CDH18: variants seen among roughly 807,000 people sequenced by gnomAD.
CDH18 encodes the protein cadherin-18.
CDH18 carries 31 observed loss-of-function variants against 67.9 expected under a neutral mutation model. The ratio of observed to expected loss-of-function variants is 0.46; its 90% CI spans 0.34 to 0.62. The LOEUF (loss-of-function observed/expected upper bound fraction) is 0.62, where lower values mean the gene tolerates loss of function less well. CDH18 is among the 20% of genes least tolerant of loss of function. The pLI is 0.01. For missense variants in CDH18, 890 were observed against 975.5 expected, an observed-to-expected ratio of 0.91 and a Z score of 1.17; for synonymous variants, 362 against 347.2, an observed-to-expected ratio of 1.04 and a Z score of -0.48.
intron 2 of CDH18, among the ~76,000 whole-genome samples, chr5:19,970,359 T>C (rs959494928): frequency 9.2e-5 from 14 of 151,748 alleles, no homozygotes; most frequent in Non-Finnish European, 1.9e-4. Context: ...ATAATAAATG[T>C]CATGCATTTC....
chr5:19,853,362 C>G (rs1783921734), intron 2 of CDH18, among the ~76,000 whole-genome samples: 1 of 152,066 alleles, frequency 6.6e-6, no homozygotes, highest in Admixed American at 6.6e-5. Context: ...TTCATTTAAC[C>G]ATAATTACTT....
chr5:20,482,406 G>T (rs560103085), intron 1 of CDH18, among the ~76,000 whole-genome samples: 1 of 151,998 alleles, frequency 6.6e-6, no homozygotes, highest in Non-Finnish European at 1.5e-5. Context: ...AAGTAGGAAA[G>T]AAGAGATTAC....
chr5:19,755,274 T>C (rs186309021), intron 3 of CDH18, among the ~76,000 whole-genome samples: 1 of 149,462 alleles, frequency 6.7e-6, no homozygotes, highest in East Asian at 2.0e-4. Context: ...GATTGACCAT[T>C]AGCAAGATTA....
rs1324763048 is a variant in CDH18 at position 19,571,895 on chromosome 5, C to T, written c.1000-63G>A. ...AAAAGTCATATTATGACTTTCATTA[C>T]TTTTCAAATATGCATTATTTTTTCC... On this transcript the variant is annotated intron_variant, in intron 7 of 12. Transcript: ENST00000382275. The T allele has an allele frequency of 5.4e-6, 7 of 1,297,420 alleles. No homozygotes were observed. In the African/African-American group the frequency reaches 1.0e-4, roughly 19 times the overall value. The allele number at this position is 1,297,420 out of a possible 1,614,324, so 80.4% of individuals were successfully genotyped here.
intron 2 of CDH18, among the ~76,000 whole-genome samples, chr5:19,894,650 AAT>A (rs377022222): frequency 6.6e-6 from 1 of 152,232 alleles, no homozygotes; most frequent in East Asian, 1.9e-4. Context: ...TTGTGAGCTG[AAT>A]AAAATTGCAT....
At chr5:20,490,693 G>C in intron 1 of CDH18, among the ~76,000 whole-genome samples, 1 of 152,120 alleles carries the variant, frequency 6.6e-6, no homozygotes, top group East Asian at 1.9e-4. Flanking sequence ...TTGAGGTCAA[G>C]TTCTGAATAC....
intron 4 of CDH18, among the ~76,000 whole-genome samples, chr5:19,744,500 G>A (rs1297575165): frequency 1.1e-5 from 1 of 94,792 alleles, no homozygotes; most frequent in African/African-American, 4.6e-5. Context: ...TATTAACTCA[G>A]TGTACACACA....
rs543356235 is a variant in CDH18, at chr5:20,282,308, G to A, written c.-579-26803C>T. ...TCTCGTGCCAGTTTTCAAAGGGAAT[G>A]CTTCCAGTTTTTGCCCATTCAGTAT... is the stretch of plus-strand genomic sequence containing the variant. On this transcript the variant is annotated intron_variant, in intron 1 of 14. Transcript: ENST00000507958. Among the ~76,000 whole-genome samples, 62 of 152,272 alleles carry A rather than the reference G, an allele frequency of 4.1e-4. 1 individual carries two copies. The South Asian group carries it at 0.013, about 31-fold the overall frequency.
chr5:20,410,259 A>C (rs924054440), intron 1 of CDH18, among the ~76,000 whole-genome samples: 2 of 151,852 alleles, frequency 1.3e-5, no homozygotes, highest in Non-Finnish European at 3.0e-5. Context: ...AAACTGAAAC[A>C]ATAGCACATT....
Position 19,958,387 on chromosome 5 carries a change from A to AAAAAAC in CDH18, c.-257+22672_-257+22673insGTTTTT, listed in dbSNP as rs1489384158. Among the ~76,000 whole-genome samples, 6 of 149,914 alleles carry AAAAAAC rather than the reference A, an allele frequency of 4.0e-5. No homozygotes were observed. In the East Asian group the frequency reaches 9.8e-4, roughly 24 times the overall value. ...GATGATCTTTCCTTCACCAAAAAAA[A>AAAAAAC]AAAAAAAAAAAAAGGAGAAGCTAAA... On this transcript the variant is annotated intron_variant, in intron 2 of 12. Coordinates refer to ENST00000382275, the MANE Select transcript of CDH18 (RefSeq NM_004934.5).
chr5:19,899,789 C>T (rs541921451), intron 2 of CDH18, among the ~76,000 whole-genome samples: 2 of 152,134 alleles, frequency 1.3e-5, no homozygotes, highest in Middle Eastern at 3.4e-3. Context: ...TATGCCACAA[C>T]GTGGGTGAAT....
At chr5:19,536,756 C>G (rs1749480753) in intron 9 of CDH18, among the ~76,000 whole-genome samples, 1 of 152,158 alleles carries the variant, frequency 6.6e-6, no homozygotes, top group Admixed American at 6.5e-5. Flanking sequence ...GTGTCTGATT[C>G]ACTAGATCTG....
chr5:20,199,565 G>T (rs1181089778), intron 2 of CDH18, among the ~76,000 whole-genome samples: 5 of 152,090 alleles, frequency 3.3e-5, no homozygotes, highest in African/African-American at 4.8e-5. Flanking sequence ...ATGAGATTTT[G>T]GACTGGGATT....
At chr5:20,556,918 T>C (rs1581196310) in intron 1 of CDH18, among the ~76,000 whole-genome samples, 3 of 152,252 alleles carry the variant, frequency 2.0e-5, no homozygotes, top group Admixed American at 2.0e-4. Flanking sequence ...GAAGGAGATA[T>C]TACCTCATAA....
At chr5:19,779,288 A>T (rs376490395) in intron 3 of CDH18, among the ~76,000 whole-genome samples, 4 of 152,298 alleles carry the variant, frequency 2.6e-5, no homozygotes, top group East Asian at 1.9e-4. Flanking sequence ...ATAATGTCCC[A>T]GATTAACTAT....
intron 5 of CDH18, among the ~76,000 whole-genome samples, chr5:19,653,592 G>T (rs528602334): frequency 5.3e-5 from 8 of 152,242 alleles, no homozygotes; most frequent in East Asian, 1.9e-4. Flanking sequence ...TTACATCAAA[G>T]AAATCTGGCA....
At chr5:20,113,861 G>A (rs986552030) in intron 2 of CDH18, among the ~76,000 whole-genome samples, 1 of 152,108 alleles carries the variant, frequency 6.6e-6, no homozygotes, top group African/African-American at 2.4e-5. Context: ...GCTGGAGGAT[G>A]AGCTTTATGA....
At chr5:19,808,272 C>A (rs1443301064) in intron 3 of CDH18, among the ~76,000 whole-genome samples, 1 of 149,778 alleles carries the variant, frequency 6.7e-6, no homozygotes, top group Non-Finnish European at 1.5e-5. Flanking sequence ...TAACGAATGC[C>A]TATAATTTTC....
chr5:20,214,678 T>A lies in CDH18; in HGVS notation c.-518+40766A>T, dbSNP rs112461314. Among the ~76,000 whole-genome samples the A allele has an allele frequency of 4.9e-3, 747 of 151,964 alleles. 5 individuals are homozygous for A. The highest frequency in any genetic ancestry group is 0.011 in the African/African-American group (471 of 41,470). On this transcript the variant is annotated intron_variant, in intron 2 of 14. Coordinates refer to the CDH18 transcript ENST00000507958. ...AACTGGACCCCTTTCTTAAACCATA[T>A]AAAAAATCAACTCAAGATAGATTAA...
Sources: gnomAD v4.1 joint callset for allele counts (sites outside exome capture counted in the v4.1 genomes callset) on GRCh38, gnomAD v4.1.1 for gene constraint, MANE v1.5 for transcripts, NCBI Gene and HGNC (gene_info 2026-07-23, HGNC 2026-07-21) for gene names.